Variants in PIK3R4 observed in about 807,000 individuals in gnomAD.
PIK3R4 encodes the protein phosphoinositide-3-kinase regulatory subunit 4.
A neutral mutation model predicts 136.5 loss-of-function variants in PIK3R4; 46 were observed. The observed-to-expected ratio is 0.34, with a 90% CI of 0.27 to 0.43. The LOEUF (loss-of-function observed/expected upper bound fraction) is 0.43. PIK3R4 is among the 20% of genes least tolerant of loss of function. The pLI is 1.00. For synonymous variants in PIK3R4, 557 were observed against 566.7 expected (o/e 0.98, Z 0.24); for missense variants, 1,331 against 1,649.5 (o/e 0.81, Z 3.35).
chr3:130,740,166 A>C (rs2066814044), intron 2 of PIK3R4, among the ~76,000 whole-genome samples: 1 of 152,210 alleles, frequency 6.6e-6, no homozygotes, highest in South Asian at 2.1e-4. Context: ...ATTTTGAAAA[A>C]TTAAGTGGGG....
chr3:130,692,010 G>C (rs2066522585), intron 13 of PIK3R4, among the ~76,000 whole-genome samples: 1 of 151,212 alleles, frequency 6.6e-6, no homozygotes, highest in Non-Finnish European at 1.5e-5. Flanking sequence ...GAGTAGTTGG[G>C]ACTACAGGCG....
At chr3:130,691,158 C>G (rs1023343040) in intron 13 of PIK3R4, among the ~76,000 whole-genome samples, 4 of 152,080 alleles carry the variant, frequency 2.6e-5, no homozygotes, top group Non-Finnish European at 5.9e-5. Context: ...TGGTCCTGAT[C>G]CTATCTTCTT....
At chr3:130,696,878 A>G (rs1022987247) in intron 13 of PIK3R4, among the ~76,000 whole-genome samples, 2 of 151,636 alleles carry the variant, frequency 1.3e-5, no homozygotes, top group African/African-American at 2.4e-5. Context: ...TGAATTATCT[A>G]TTTTTCCCTT....
In PIK3R4 at chr3:130,733,780, A is replaced by G. The variant is rs571240913; in HGVS notation, c.1218T>C (p.Ala406=). The G allele has an allele frequency of 1.2e-6, 2 of 1,614,176 alleles. No homozygotes were observed. The highest frequency in any genetic ancestry group is 1.1e-5 in the South Asian group (1 of 91,088). ...LAALELILHL[A]PRLSVEILLD... ...AAAGGATTTCAACACTTAATCTTGG[A>G]GCCAAATGAAGAATCAGTTCCAAAG... Residue 406 remains alanine (A), a synonymous_variant, in exon 4 of 20, where the codon GCT becomes GCC. Coordinates refer to ENST00000356763, the MANE Select transcript of PIK3R4 (RefSeq NM_014602.3).
At position 130,728,677 on chromosome 3, in the gene PIK3R4, T is replaced by C. The variant is rs752235532; in HGVS notation, c.1593A>G (p.Gln531=). 1.4e-6 allele frequency: 2 copies of C among 1,478,144 alleles called. No homozygotes were observed. Among genetic ancestry groups the C allele is most frequent in the East Asian group, 2.4e-5 (1 of 41,878 alleles). The allele number at this position is 1,478,144 out of a possible 1,614,324, so 91.6% of individuals were successfully genotyped here. Residue 531 remains glutamine, a synonymous_variant, in exon 6 of 20, where the codon CAA becomes CAG. Coordinates refer to ENST00000356763, the MANE Select transcript of PIK3R4 (RefSeq NM_014602.3). ...HPNGNYDTEL[Q]ALHEMVQQKV... is the part of the protein sequence containing the mutation. Reference sequence around the variant, plus strand: ...TCTGCTGGACCATTTCATGTAAGGCTTGGAGCTCTAAAAAAAAAAAAAAAA... The same window carrying C: ...TCTGCTGGACCATTTCATGTAAGGCCTGGAGCTCTAAAAAAAAAAAAAAAA...
chr3:130,686,149 G>A, intron 15 of PIK3R4, 62 bp downstream of exon 15: 2 of 950,712 alleles, frequency 2.1e-6, no homozygotes, highest in East Asian at 2.5e-5. Flanking sequence ...GATTTCACAA[G>A]ACAGCAATTG....
At chr3:130,720,281 C>T (rs2066692026) in intron 7 of PIK3R4, among the ~76,000 whole-genome samples, 1 of 152,050 alleles carries the variant, frequency 6.6e-6, no homozygotes, top group African/African-American at 2.4e-5. Context: ...TCGCAACCTC[C>T]GCCTCCTGGA....
At chr3:130,688,311 A>C (rs2066499769) in intron 14 of PIK3R4, among the ~76,000 whole-genome samples, 1 of 152,246 alleles carries the variant, frequency 6.6e-6, no homozygotes. Flanking sequence ...CCCTGTGAAA[A>C]ACAACCAACT....
At chr3:130,735,735 A>C (rs1278958809) in intron 3 of PIK3R4, 134 bp downstream of exon 3, 1 of 655,560 alleles carries the variant, frequency 1.5e-6, no homozygotes, top group Non-Finnish European at 2.5e-6. Context: ...GTAATAACAA[A>C]AGGCTGTTTA....
In PIK3R4 at chr3:130,679,476, T is replaced by A; in HGVS notation, c.3916A>T (p.Asn1306Tyr). Residue 1306 changes from asparagine to tyrosine, a missense_variant, in exon 20 of 20, where the codon AAT becomes TAT. Coordinates refer to ENST00000356763, the MANE Select transcript of PIK3R4 (RefSeq NM_014602.3). ...EGTEVVQEIQ[N>Y]KQKVGPSDDT... ...TCACTTGGTCCTACTTTCTGCTTAT[T>A]CTGAATTTCCTGTTTGGTGATTAAA... 6.2e-7 allele frequency: 1 copy of A among 1,609,546 alleles called. No individual in the cohort carries two copies. The highest frequency in any genetic ancestry group is 8.5e-7 in the Non-Finnish European group (1 of 1,177,162).
chr3:130,723,010 G>C (rs535653789), intron 7 of PIK3R4, among the ~76,000 whole-genome samples: 81 of 123,360 alleles, frequency 6.6e-4, no homozygotes, highest in African/African-American at 2.4e-3. Flanking sequence ...GTTGCAGTGA[G>C]CCAAGATCAC....
intron 1 of PIK3R4, 148 bp from the exon 2 acceptor site, chr3:130,745,412 G>C (rs2066846778): frequency 6.3e-6 from 3 of 473,838 alleles, no homozygotes; most frequent in Non-Finnish European, 1.1e-5. Context: ...TTCTGGGGCA[G>C]CCTCTAAATT....
At chr3:130,742,143 G>A (rs985173002) in intron 2 of PIK3R4, among the ~76,000 whole-genome samples, 1 of 152,148 alleles carries the variant, frequency 6.6e-6, no homozygotes, top group Non-Finnish European at 1.5e-5. Context: ...CCATCAAGAG[G>A]GGAAAGTAGC....
At chr3:130,736,673 C>A (rs1357155242) in intron 2 of PIK3R4, among the ~76,000 whole-genome samples, 1 of 145,374 alleles carries the variant, frequency 6.9e-6, no homozygotes, top group African/African-American at 2.8e-5. Flanking sequence ...CTTTTTTTTT[C>A]AAGTATGGAC....
intron 1 of PIK3R4, among the ~76,000 whole-genome samples, chr3:130,745,996 G>A (rs2066851246): frequency 6.6e-6 from 1 of 151,738 alleles, no homozygotes; most frequent in Non-Finnish European, 1.5e-5. Flanking sequence ...CTCCAGCCTG[G>A]GTGACAGAGC....
rs181800338 is a variant in PIK3R4, at chr3:130,688,881, C to T, written c.3263+1609G>A. Among the ~76,000 whole-genome samples the T allele has an allele frequency of 1.4e-4, 21 of 152,108 alleles. No homozygotes were observed. In the East Asian group the frequency reaches 4.1e-3, roughly 29 times the overall value. On this transcript the variant is annotated intron_variant, in intron 14 of 19. Transcript: ENST00000356763. ...TTGAATATTATTTTTATTTTGCAAC[C>T]CTTTAAAAATGCAAACATCATTCTT...
intron 13 of PIK3R4, among the ~76,000 whole-genome samples, chr3:130,693,036 G>C (rs1320305288): frequency 2.0e-5 from 3 of 152,070 alleles, no homozygotes; most frequent in Admixed American, 6.6e-5. Flanking sequence ...TCTACTTTGT[G>C]TCTCTATGGA....
intron 13 of PIK3R4, among the ~76,000 whole-genome samples, chr3:130,694,237 C>G (rs943581902): frequency 2.0e-5 from 3 of 151,448 alleles, no homozygotes; most frequent in Non-Finnish European, 4.4e-5. Context: ...TCTTTTCTTT[C>G]AATATTGTTT....
intron 1 of PIK3R4, among the ~76,000 whole-genome samples, chr3:130,745,815 A>C (rs1295170620): frequency 6.6e-6 from 1 of 152,126 alleles, no homozygotes; most frequent in Non-Finnish European, 1.5e-5. Context: ...CGAGGTCAGG[A>C]GCTCAAGACG....
Sources: gnomAD v4.1 joint callset for allele counts (sites outside exome capture counted in the v4.1 genomes callset) on GRCh38, gnomAD v4.1.1 for gene constraint, MANE v1.5 for transcripts, NCBI Gene and HGNC (gene_info 2026-07-23, HGNC 2026-07-21) for gene names.